PRKCE: variants seen among roughly 807,000 people sequenced by gnomAD.
The protein encoded by PRKCE is protein kinase C epsilon, also known as protein kinase C epsilon type.
A neutral mutation model predicts 85.4 loss-of-function variants in PRKCE; 16 were observed. The ratio of observed to expected loss-of-function variants is 0.19; its 90% confidence interval spans 0.13 to 0.28. The LOEUF is 0.28. Among genes scored for constraint, PRKCE ranks in the 10% least tolerant of loss-of-function variants. The pLI is 1.00. For missense variants in PRKCE, 573 were observed against 975.2 expected, an observed-to-expected ratio of 0.59 and a Z score of 5.49; for synonymous variants, 388 against 371.5, an observed-to-expected ratio of 1.04 and a Z score of -0.51.
At chr2:45,672,607 G>GAA (rs1350382359) in intron 1 of PRKCE, among the ~76,000 whole-genome samples, 3 of 152,212 alleles carry the variant, frequency 2.0e-5, no homozygotes, top group African/African-American at 7.2e-5. Flanking sequence ...GCTATTGACT[G>GAA]AGGTTGCGGC....
At chr2:45,957,195 T>G (rs1701030610) in intron 2 of PRKCE, among the ~76,000 whole-genome samples, 1 of 152,262 alleles carries the variant, frequency 6.6e-6, no homozygotes, top group African/African-American at 2.4e-5. Context: ...TAGCTAATCT[T>G]CACCCAAACC....
chr2:45,656,640 A>G (rs1292422671), intron 1 of PRKCE, among the ~76,000 whole-genome samples: 1 of 152,234 alleles, frequency 6.6e-6, no homozygotes, highest in Non-Finnish European at 1.5e-5. Context: ...AGATCTATAT[A>G]GATTTATATA....
intron 2 of PRKCE, among the ~76,000 whole-genome samples, chr2:45,846,862 G>A (rs924738643): frequency 2.6e-5 from 4 of 152,210 alleles, no homozygotes; most frequent in South Asian, 2.1e-4. Flanking sequence ...CAGTGCCCTC[G>A]CATGTAAGAG....
chr2:46,092,578 A>T (rs1183645287), intron 11 of PRKCE, among the ~76,000 whole-genome samples: 3 of 152,342 alleles, frequency 2.0e-5, no homozygotes, highest in Admixed American at 1.3e-4. Flanking sequence ...AGGAACAAAA[A>T]TCCAGTCAGA....
At chr2:45,881,152 C>CAAAAA (rs770824515) in intron 2 of PRKCE, among the ~76,000 whole-genome samples, 2 of 91,434 alleles carry the variant, frequency 2.2e-5, no homozygotes, top group African/African-American at 8.2e-5. Context: ...GACTCCGTCT[C>CAAAAA]AAAAAAAAAA....
intron 10 of PRKCE, among the ~76,000 whole-genome samples, chr2:46,013,976 C>T (rs1017195472): frequency 6.6e-6 from 1 of 152,168 alleles, no homozygotes; most frequent in Non-Finnish European, 1.5e-5. Context: ...ATGACATAGT[C>T]AGGTTCAGGT....
chr2:45,806,382 CA>C (rs548153774), intron 1 of PRKCE, among the ~76,000 whole-genome samples: 68 of 152,288 alleles, frequency 4.5e-4, no homozygotes, highest in African/African-American at 1.6e-3. Context: ...TCACTTGATT[CA>C]TTTATTCATT....
chr2:45,924,056 G>C (rs1698438551), intron 2 of PRKCE, among the ~76,000 whole-genome samples: 1 of 152,148 alleles, frequency 6.6e-6, no homozygotes, highest in Non-Finnish European at 1.5e-5. Context: ...GGAGAAAAGA[G>C]CACTCCCTCC....
chr2:45,846,957 T>A (rs4952782), intron 2 of PRKCE, among the ~76,000 whole-genome samples: 117,329 of 152,098 alleles, frequency 0.77, 45,377 homozygotes, highest in Admixed American at 0.82. Flanking sequence ...AAGAAGCATC[T>A]GGCAGGCTAT....
chr2:46,064,919 GC>G (rs1045821298), intron 10 of PRKCE, among the ~76,000 whole-genome samples: 3 of 152,194 alleles, frequency 2.0e-5, no homozygotes, highest in Non-Finnish European at 2.9e-5. Flanking sequence ...CCCCATTGTT[GC>G]CAACACCAAG....
intron 2 of PRKCE, among the ~76,000 whole-genome samples, chr2:45,847,681 C>T (rs562033871): frequency 6.6e-6 from 1 of 152,344 alleles, no homozygotes; most frequent in East Asian, 1.9e-4. Context: ...GGTCCTGCTT[C>T]CATTCATGGC....
At chr2:45,672,113 G>C (rs1676197640) in intron 1 of PRKCE, among the ~76,000 whole-genome samples, 2 of 149,298 alleles carry the variant, frequency 1.3e-5, no homozygotes, top group South Asian at 4.3e-4. Flanking sequence ...AGTAGAGACA[G>C]AAAAAGTATG....
Position 46,001,444 on chromosome 2 carries a change from G to A in PRKCE, c.864G>A (p.Val288=). ...TTCACCGTCGATGTGAGACCAACGT[G>A]GCTCCCAACTGTGGAGTGGATGCCA... is the stretch of plus-strand genomic sequence containing the variant. The part of the protein sequence containing the change: ...MNVHRRCETN[V]APNCGVDARG... The change falls in exon 7 of 15, where the codon GTG becomes GTA. Residue 288 remains valine (V), a synonymous_variant. Coordinates refer to ENST00000306156, the MANE Select transcript of PRKCE (RefSeq NM_005400.3). This position sits in a 1 kb window ranked among gnomAD's most constrained non-coding sequence, Gnocchi z 4.4. The A allele has an allele frequency of 6.3e-7, 1 of 1,599,376 alleles. No individual in the cohort carries two copies. The highest frequency in any genetic ancestry group is 8.5e-7 in the Non-Finnish European group (1 of 1,179,776).
intron 11 of PRKCE, among the ~76,000 whole-genome samples, chr2:46,119,459 A>G (rs1673104855): frequency 6.6e-6 from 1 of 152,196 alleles, no homozygotes; most frequent in African/African-American, 2.4e-5. Context: ...AAAATTCCTG[A>G]GTATAAAATA....
chr2:45,654,174 A>C (rs1360191969), intron 1 of PRKCE, among the ~76,000 whole-genome samples: 1 of 152,226 alleles, frequency 6.6e-6, no homozygotes, highest in African/African-American at 2.4e-5. Context: ...GAGAGCAGGG[A>C]TGAGGAGCAG....
At chr2:46,066,135 A>G (rs1293063042) in intron 10 of PRKCE, among the ~76,000 whole-genome samples, 1 of 152,210 alleles carries the variant, frequency 6.6e-6, no homozygotes, top group Non-Finnish European at 1.5e-5. Context: ...GGAAAGACAC[A>G]GAAGTGGTGA....
rs894735317 is a variant in PRKCE, at chr2:46,138,373, C to T, written c.1593-6720C>T. ...CGGGCAGTTATGTAGGGTCAGCCCACGCTGCCTCTTACCAGCCATGTGACC... is the reference window on the plus strand; with the variant it reads ...CGGGCAGTTATGTAGGGTCAGCCCATGCTGCCTCTTACCAGCCATGTGACC... On this transcript the variant is annotated intron_variant, in intron 11 of 14. Coordinates refer to ENST00000306156, the MANE Select transcript of PRKCE (RefSeq NM_005400.3). The surrounding 1 kb of genome is among the most constrained non-coding windows in gnomAD (Gnocchi z 4.2). Among the ~76,000 whole-genome samples the T allele has an allele frequency of 3.3e-5, 5 of 152,200 alleles. No homozygotes were observed. Among genetic ancestry groups the T allele is most frequent in the South Asian group, 4.1e-4 (2 of 4,828 alleles).
intron 2 of PRKCE, among the ~76,000 whole-genome samples, chr2:45,853,542 T>A (rs1274863056): frequency 1.3e-5 from 2 of 152,206 alleles, no homozygotes; most frequent in Admixed American, 1.3e-4. Flanking sequence ...CTTACCTCTA[T>A]GTGATCTCCC....
At chr2:45,663,892 C>T (rs140635443) in intron 1 of PRKCE, among the ~76,000 whole-genome samples, 13 of 152,038 alleles carry the variant, frequency 8.6e-5, no homozygotes, top group African/African-American at 2.2e-4. Flanking sequence ...AAAAATTGCC[C>T]GATTAAAAAA....
Sources: allele counts gnomAD v4.1 joint callset (sites outside exome capture counted in the v4.1 genomes callset), GRCh38; gene constraint gnomAD v4.1.1; non-coding constraint Gnocchi (gnomAD v3.1); transcripts MANE v1.5; gene names NCBI Gene and HGNC (gene_info 2026-07-23, HGNC 2026-07-21).